CREM: variants seen among roughly 807,000 people sequenced by gnomAD.
CREM encodes the protein cAMP responsive element modulator.
Under a neutral mutation model 37.3 loss-of-function variants are expected in CREM, and 13 were observed. That is an observed-to-expected ratio of 0.35 (90% CI 0.23 to 0.55). CREM has a LOEUF of 0.55. Ranked by LOEUF, CREM falls within the 20% of genes least tolerant of loss-of-function variation. CREM has a pLI of 0.88. For missense variants in CREM, 296 were observed against 362.3 expected (o/e 0.82, Z 1.49); for synonymous variants, 124 against 120.2 (o/e 1.03, Z -0.21).
chr10:35,148,356 T>G lies in CREM; in HGVS notation c.45-12T>G. ...GGGCCTTAATTTGTCTTCCTTTTTA[T>G]TGTCTTTTCAGACAAATGACCATGG... On this transcript the variant is annotated splice_polypyrimidine_tract_variant and intron_variant, in intron 2 of 7. Transcript: ENST00000685392. The G allele has an allele frequency of 6.2e-7, 1 of 1,604,648 alleles. No individual in the cohort carries two copies. The highest frequency in any genetic ancestry group is 8.5e-7 in the Non-Finnish European group (1 of 1,176,662).
chr10:35,148,439 CTGCTCATG>C lies in CREM; in HGVS notation c.120_127del (p.His41AspfsTer22). 1 of 1,613,764 alleles carries C rather than the reference CTGCTCATG, an allele frequency of 6.2e-7. No homozygotes were observed. Among genetic ancestry groups the C allele is most frequent in the Non-Finnish European group, 8.5e-7 (1 of 1,179,826 alleles). ...ACAGCTTCTTTGACAGAGAGCAAGTCTGCTCATGTGCAGACTCAGACTGGCCAAAATTC... is the reference window on the plus strand; with the variant it reads ...ACAGCTTCTTTGACAGAGAGCAAGTCTGCAGACTCAGACTGGCCAAAATTC... On this transcript the variant is annotated frameshift_variant, in exon 3 of 8. Transcript: ENST00000685392. LOFTEE classifies it high-confidence loss of function.
rs561305892 is a variant in CREM, at chr10:35,190,864, A to G, written c.598+2476A>G. On this transcript the variant is annotated intron_variant, in intron 6 of 7. Transcript: ENST00000685392. ...TTTTTAGTAGATACAGGGTTTCACC[A>G]TGTTCGCCAGGATGGTCTCGATCTC... Among the ~76,000 whole-genome samples, 13 of 152,056 alleles carry G rather than the reference A, an allele frequency of 8.5e-5. No individual in the cohort carries two copies. In the East Asian group the frequency reaches 2.1e-3, roughly 25 times the overall value.
intron 1 of CREM, among the ~76,000 whole-genome samples, chr10:35,128,060 G>A (rs1450325434): frequency 6.6e-6 from 1 of 152,138 alleles, no homozygotes; most frequent in African/African-American, 2.4e-5. Context: ...GGTCAGGCTG[G>A]TCTCGAACTC....
chr10:35,180,810 C>G (rs1285645370), intron 5 of CREM, among the ~76,000 whole-genome samples: 2 of 152,234 alleles, frequency 1.3e-5, no homozygotes, highest in African/African-American at 4.8e-5. Flanking sequence ...GCCTCGTCCC[C>G]CCGTCCCCAG....
chr10:35,138,738 T>C (rs958933735), intron 2 of CREM, among the ~76,000 whole-genome samples: 1 of 151,668 alleles, frequency 6.6e-6, no homozygotes, highest in African/African-American at 2.4e-5. Flanking sequence ...AAAAATTTTT[T>C]TTAGGCCGGG....
At chr10:35,205,422 T>C (rs1475904662) in intron 6 of CREM, among the ~76,000 whole-genome samples, 1 of 152,086 alleles carries the variant, frequency 6.6e-6, no homozygotes, top group East Asian at 1.9e-4. Context: ...CTTTGCTGGG[T>C]TTTTATTGTT....
chr10:35,166,270 A>C (rs2093549109), intron 3 of CREM, among the ~76,000 whole-genome samples: 1 of 151,954 alleles, frequency 6.6e-6, no homozygotes, highest in South Asian at 2.1e-4. Context: ...ACAAAACAAA[A>C]AAAACAGCTA....
At chr10:35,184,797 AAAAG>A (rs148587868) in intron 5 of CREM, among the ~76,000 whole-genome samples, 22,836 of 152,080 alleles carry the variant, frequency 0.15, 1,910 homozygotes, top group East Asian at 0.24. Context: ...GAGTAAAGCA[AAAAG>A]AAAGAGAAAA....
chr10:35,192,134 C>T (rs370373845), intron 6 of CREM, among the ~76,000 whole-genome samples: 4 of 152,180 alleles, frequency 2.6e-5, no homozygotes, highest in Admixed American at 6.5e-5. Context: ...CGGCAGCCAC[C>T]GGAAGCTGGC....
At chr10:35,133,593 C>G (rs753416765) in intron 1 of CREM, among the ~76,000 whole-genome samples, 14 of 152,338 alleles carry the variant, frequency 9.2e-5, no homozygotes, top group Non-Finnish European at 1.8e-4. Flanking sequence ...GCCATGGCGC[C>G]TGTCCAAAAG....
At chr10:35,183,801 G>C (rs552077858) in intron 5 of CREM, among the ~76,000 whole-genome samples, 1 of 152,256 alleles carries the variant, frequency 6.6e-6, no homozygotes, top group Non-Finnish European at 1.5e-5. Context: ...TGGGCCGGGC[G>C]TGATGGTTCA....
At chr10:35,176,124 G>A in intron 3 of CREM, 2 of 1,334,868 alleles carry the variant, frequency 1.5e-6, no homozygotes, top group Non-Finnish European at 2.0e-6. Context: ...TTAGATATTT[G>A]GAGGAATCTC....
intron 1 of CREM, among the ~76,000 whole-genome samples, chr10:35,135,721 G>GAAAAAAAAAAAAAAAA: frequency 2.0e-5 from 1 of 50,562 alleles, no homozygotes; most frequent in Admixed American, 2.7e-4. Flanking sequence ...CCTATTTCTG[G>GAAAAAAAAAAAAAAAA]AAAAAAAAAA....
At chr10:35,204,389 C>G (rs778621250) in intron 6 of CREM, among the ~76,000 whole-genome samples, 2 of 152,024 alleles carry the variant, frequency 1.3e-5, no homozygotes, top group African/African-American at 4.8e-5. Flanking sequence ...ATCACGAGGT[C>G]GGGAGATCAA....
intron 2 of CREM, among the ~76,000 whole-genome samples, chr10:35,140,994 G>C (rs2091341514): frequency 1.3e-5 from 2 of 152,222 alleles, no homozygotes; most frequent in South Asian, 4.1e-4. Context: ...TAGTAATGGA[G>C]TGTATGGACT....
chr10:35,185,617 C>T (rs892332041), intron 5 of CREM, among the ~76,000 whole-genome samples: 2 of 152,178 alleles, frequency 1.3e-5, no homozygotes, highest in Admixed American at 6.5e-5. Flanking sequence ...AGATCTCTCT[C>T]AAACCCTTTT....
chr10:35,192,673 C>CTA (rs1336612226), intron 6 of CREM, among the ~76,000 whole-genome samples: 4 of 151,876 alleles, frequency 2.6e-5, no homozygotes, highest in Admixed American at 1.3e-4. Flanking sequence ...AATAAGGGCA[C>CTA]TAATCCTGTT....
In CREM at chr10:35,132,217, AG is replaced by A. The variant is rs1204673560; in HGVS notation, c.-55+5025del. Among the ~76,000 whole-genome samples, 428 of 110,780 alleles carry A rather than the reference AG, an allele frequency of 3.9e-3. 21 individuals carry two copies. The highest frequency in any genetic ancestry group is 0.021 in the South Asian group (74 of 3,510). The allele number at this position is 110,780 out of a possible 152,430, so 72.7% of individuals were successfully genotyped here. ...CTTGAGTCTCAAAAAAAAAAAAAAAAGAAAAAAAAATTGGTTTCACATGAAG... is the reference window on the plus strand; with the variant it reads ...CTTGAGTCTCAAAAAAAAAAAAAAAAAAAAAAAAATTGGTTTCACATGAAG... On this transcript the variant is annotated intron_variant, in intron 1 of 7. Transcript: ENST00000685392.
chr10:35,136,734 A>G (rs1042559407), intron 1 of CREM, among the ~76,000 whole-genome samples: 2 of 151,154 alleles, frequency 1.3e-5, no homozygotes, highest in African/African-American at 4.9e-5. Flanking sequence ...TCTAGAGGTT[A>G]CTTAGGGATG....
Sources: gnomAD v4.1 joint callset for allele counts (sites outside exome capture counted in the v4.1 genomes callset) on GRCh38, gnomAD v4.1.1 for gene constraint, MANE v1.5 for transcripts, NCBI Gene and HGNC (gene_info 2026-07-23, HGNC 2026-07-21) for gene names.